CNBD2: variants seen among roughly 807,000 people sequenced by gnomAD.
CNBD2 encodes cyclic nucleotide-binding domain-containing protein 2.
CNBD2 carries 64 observed loss-of-function variants against 63.7 expected under a neutral mutation model. That is an observed-to-expected ratio of 1.00 (90% CI 0.82 to 1.24). The LOEUF is 1.24. Ranked by LOEUF, CNBD2 falls within the 50% of genes most tolerant of loss-of-function variation. CNBD2 has a pLI of 0.00. For missense variants in CNBD2, 691 were observed against 713.5 expected (o/e 0.97, Z 0.36); for synonymous variants, 229 against 255.4 (o/e 0.90, Z 0.99).
At chr20:36,013,262 C>CA (rs2057086733) in intron 10 of CNBD2, among the ~76,000 whole-genome samples, 1 of 151,748 alleles carries the variant, frequency 6.6e-6, no homozygotes, top group Non-Finnish European at 1.5e-5. Context: ...ACTAAAAATA[C>CA]AAAAAATTAG....
At chr20:35,990,930 G>A (rs929155022) in intron 7 of CNBD2, among the ~76,000 whole-genome samples, 1 of 152,084 alleles carries the variant, frequency 6.6e-6, no homozygotes, top group African/African-American at 2.4e-5. Flanking sequence ...CAGCCTGGGT[G>A]ACAGAGTCTC....
At chr20:35,968,002 G>A (rs190475138), upstream of CNBD2, among the ~76,000 whole-genome samples, 23 of 152,326 alleles carry the variant, frequency 1.5e-4, no homozygotes, top group Admixed American at 5.9e-4. Context: ...GCTTCTCCTT[G>A]TGGGGCAGGG....
chr20:35,960,222 T>C (rs548594338), downstream of CNBD2, among the ~76,000 whole-genome samples: 549 of 152,322 alleles, frequency 3.6e-3, 4 homozygotes, highest in Middle Eastern at 0.014. Flanking sequence ...ACCCCTTTAC[T>C]TCACAGATGG....
rs142242880 is a variant in CNBD2 at position 35,984,077 on chromosome 20, A to G, written c.503A>G (p.Asp168Gly). 1.2e-5 allele frequency: 19 copies of G among 1,613,958 alleles called. No individual in the cohort carries two copies. In the African/African-American group the frequency reaches 2.4e-4, roughly 20 times the overall value. The change falls in exon 5 of 12, where the codon GAT becomes GGT. Residue 168 changes from aspartate (D) to glycine (G), a missense_variant. Coordinates refer to ENST00000373973, the MANE Select transcript of CNBD2 (RefSeq NM_001365709.1). ...ACAGTTGCAATAACCAAGGACGAGG[A>G]TGGCAGCAGTGCCTTCCTAGATCCC... ...LGTVAITKDE[D>G]GSSAFLDPHP...
At chr20:35,978,816 CTT>C (rs1481483097) in intron 3 of CNBD2, among the ~76,000 whole-genome samples, 1 of 152,114 alleles carries the variant, frequency 6.6e-6, no homozygotes, top group African/African-American at 2.4e-5. Context: ...ACAAAATAGT[CTT>C]ATATATTCTG....
chr20:35,980,500 G>A lies in CNBD2; in HGVS notation c.285G>A (p.Lys95=), dbSNP rs369814607. 89 of 1,614,072 alleles carry A rather than the reference G, an allele frequency of 5.5e-5. No homozygotes were observed. In the Admixed American group the frequency reaches 6.7e-4, roughly 12 times the overall value. Residue 95 remains lysine, a synonymous_variant, in exon 4 of 12, where the codon AAG becomes AAA. Transcript: ENST00000373973. ...AGGCCATTCAGATCATGCAGAAGAA[G>A]CCTTCCTGGAGAACAGAGGATGAGA... ...PPKAIQIMQK[K]PSWRTEDEIQ...
intron 9 of CNBD2, 26 bp downstream of exon 9, chr20:36,008,500 CG>C: frequency 6.3e-7 from 1 of 1,587,536 alleles, no homozygotes. Context: ...GGCAGATAGA[CG>C]GGTCCAGATT....
intron 10 of CNBD2, among the ~76,000 whole-genome samples, chr20:36,021,316 A>G (rs1160520484): frequency 6.6e-6 from 1 of 152,184 alleles, no homozygotes; most frequent in African/African-American, 2.4e-5. Flanking sequence ...CAGAAAGACA[A>G]ATATTGTATG....
At chr20:35,997,314 C>T (rs1354349029) in intron 8 of CNBD2, among the ~76,000 whole-genome samples, 1 of 152,126 alleles carries the variant, frequency 6.6e-6, no homozygotes, top group Non-Finnish European at 1.5e-5. Flanking sequence ...ATAGATATAG[C>T]AGTCCTCCTG....
intron 6 of CNBD2, among the ~76,000 whole-genome samples, chr20:35,985,487 CT>C (rs376746279): frequency 3.6e-3 from 488 of 134,080 alleles, no homozygotes; most frequent in Middle Eastern, 8.2e-3. Flanking sequence ...ACTATAATTC[CT>C]TTTTTTTTTT....
intron 7 of CNBD2, among the ~76,000 whole-genome samples, chr20:35,988,036 A>AT (rs2056692688): frequency 6.6e-6 from 1 of 151,724 alleles, no homozygotes; most frequent in South Asian, 2.1e-4. Context: ...TGCCCGGCTA[A>AT]TTTTTGTACT....
At chr20:35,960,108 T>C (rs754184657), downstream of CNBD2, among the ~76,000 whole-genome samples, 5 of 152,212 alleles carry the variant, frequency 3.3e-5, no homozygotes, top group Admixed American at 6.5e-5. Flanking sequence ...ATACCAGTAC[T>C]TCCTTAAGCT....
chr20:35,990,745 G>T (rs1449389136), intron 7 of CNBD2, among the ~76,000 whole-genome samples: 6 of 152,140 alleles, frequency 3.9e-5, no homozygotes, highest in Non-Finnish European at 7.3e-5. Flanking sequence ...GAGGCCAGGG[G>T]TTTGAGACCA....
At chr20:36,014,531 A>G (rs1016462040) in intron 10 of CNBD2, among the ~76,000 whole-genome samples, 3 of 151,940 alleles carry the variant, frequency 2.0e-5, no homozygotes, top group Non-Finnish European at 1.5e-5. Flanking sequence ...GGGTTTCACC[A>G]TGTTGGCCAG....
intron 1 of CNBD2, among the ~76,000 whole-genome samples, chr20:35,971,950 A>G (rs1043524951): frequency 2.6e-5 from 4 of 152,158 alleles, no homozygotes; most frequent in African/African-American, 9.7e-5. Context: ...ATTCCTGGGG[A>G]AAAGGTAGGG....
chr20:35,975,502 T>C (rs6060735), intron 2 of CNBD2, among the ~76,000 whole-genome samples: 3 of 137,552 alleles, frequency 2.2e-5, no homozygotes, highest in African/African-American at 8.1e-5. Context: ...GGGTTTCACC[T>C]TGTTAGCCAG....
intron 11 of CNBD2, among the ~76,000 whole-genome samples, chr20:36,025,286 C>T (rs1156323909): frequency 6.6e-6 from 1 of 152,086 alleles, no homozygotes; most frequent in East Asian, 1.9e-4. Flanking sequence ...GGAGGTGAGA[C>T]TAAAGGGGAC....
At chr20:36,029,143 C>G (rs2057314780) in intron 11 of CNBD2, among the ~76,000 whole-genome samples, 1 of 152,130 alleles carries the variant, frequency 6.6e-6, no homozygotes, top group African/African-American at 2.4e-5. Context: ...GGAGTCTTGT[C>G]TGTCCTAGCT....
At chr20:35,959,672 G>A (rs975591056), downstream of CNBD2, among the ~76,000 whole-genome samples, 2 of 152,144 alleles carry the variant, frequency 1.3e-5, no homozygotes, top group African/African-American at 4.8e-5. Context: ...ATGAGATTTG[G>A]GTGCGGATAC....
Sources: gnomAD v4.1 joint callset for allele counts (sites outside exome capture counted in the v4.1 genomes callset) on GRCh38, gnomAD v4.1.1 for gene constraint, MANE v1.5 for transcripts, NCBI Gene and HGNC (gene_info 2026-07-23, HGNC 2026-07-21) for gene names.